Variants in ZNF331 observed in about 807,000 individuals in gnomAD.
ZNF331 encodes the protein C2H2-like zinc finger protein rearranged in thyroid adenomas.
Under a neutral mutation model 7.0 loss-of-function variants are expected in ZNF331, and 2 were observed. That is an observed-to-expected ratio of 0.29 (90% CI 0.12 to 0.90). The LOEUF (loss-of-function observed/expected upper bound fraction) is 0.90. Among genes scored for constraint, ZNF331 ranks in the 40% least tolerant of loss-of-function variants. The probability of loss-of-function intolerance (pLI) is 0.58; values close to 1 mark genes in which losing one functional copy is unlikely to be tolerated. For missense variants in ZNF331, 432 were observed against 587.7 expected (o/e 0.74, Z 2.74); for synonymous variants, 196 against 205.4 (o/e 0.95, Z 0.39).
At position 53,569,286 on chromosome 19, in the gene ZNF331, C is replaced by CT; in HGVS notation, c.-73-11dup. On this transcript the variant is annotated splice_polypyrimidine_tract_variant and intron_variant, in intron 3 of 5. Coordinates refer to ENST00000449416, the MANE Select transcript of ZNF331 (RefSeq NM_001079906.2). Reference sequence around the variant, plus strand: ...CCCCAGATGCACCTCGTTTTAATCTCTTTTTTTCCACCCCTAGCTCTAGCC... The same window carrying CT: ...CCCCAGATGCACCTCGTTTTAATCTCTTTTTTTTCCACCCCTAGCTCTAGCC... The CT allele has an allele frequency of 6.7e-7, 1 of 1,484,604 alleles. No individual in the cohort carries two copies. Among genetic ancestry groups the CT allele is most frequent in the South Asian group, 1.2e-5 (1 of 86,482 alleles). The allele number at this position is 1,484,604 out of a possible 1,614,324, so 92.0% of individuals were successfully genotyped here.
At chr19:53,572,830 G>C (rs2090529732) in intron 5 of ZNF331, among the ~76,000 whole-genome samples, 1 of 152,026 alleles carries the variant, frequency 6.6e-6, no homozygotes, top group African/African-American at 2.4e-5. Context: ...GCAGGAGCTA[G>C]AATCAGATTT....
At chr19:53,561,551 TTAA>T (rs2089889418) in intron 3 of ZNF331, among the ~76,000 whole-genome samples, 1 of 152,176 alleles carries the variant, frequency 6.6e-6, no homozygotes, top group African/African-American at 2.4e-5. Flanking sequence ...CAGAGACTCT[TTAA>T]ATCTAGTTTT....
upstream of ZNF331, among the ~76,000 whole-genome samples, chr19:53,514,650 T>C: frequency 8.5e-6 from 1 of 117,228 alleles, no homozygotes. Flanking sequence ...TGAAGCCTTC[T>C]CCTTTTTTTT....
rs185876951 is a variant in ZNF331 at position 53,559,261 on chromosome 19, C to T, written c.-74+3353C>T. ...TACATACACACACCCCATGTACACA[C>T]ACATATACACAACTACATATATACA... On this transcript the variant is annotated intron_variant, in intron 3 of 5. Transcript: ENST00000449416. 1.6e-3 allele frequency among the ~76,000 whole-genome samples: 246 copies of T among 151,144 alleles called. 1 individual carries two copies. Among genetic ancestry groups the T allele is most frequent in the African/African-American group, 5.7e-3 (235 of 41,152 alleles).
chr19:53,574,548 G>A (rs199679491), intron 5 of ZNF331, among the ~76,000 whole-genome samples: 1 of 10,888 alleles, frequency 9.2e-5, no homozygotes, highest in South Asian at 2.2e-3. Context: ...CTTTAGTAGC[G>A]GGTAGAGGTG....
intron 3 of ZNF331, among the ~76,000 whole-genome samples, chr19:53,564,392 G>A (rs895503685): frequency 6.6e-5 from 10 of 151,910 alleles, no homozygotes; most frequent in Admixed American, 5.3e-4. Context: ...CGATTCTCCC[G>A]CCTCAGCCTC....
At chr19:53,550,235 C>T (rs1461119909) in intron 2 of ZNF331, among the ~76,000 whole-genome samples, 1 of 152,174 alleles carries the variant, frequency 6.6e-6, no homozygotes, top group Non-Finnish European at 1.5e-5. Flanking sequence ...CAGAATACAA[C>T]TGTTAGGTCC....
chr19:53,509,465 G>A, the ZNF331 span, among the ~76,000 whole-genome samples: 2 of 150,398 alleles, frequency 1.3e-5, no homozygotes, highest in African/African-American at 4.9e-5. Flanking sequence ...GTGTAGAGAA[G>A]GTGGTTGGAG....
At position 53,539,717 on chromosome 19, in the gene ZNF331, A is replaced by C. The variant is rs559027936; in HGVS notation, c.-138+435A>C. On this transcript the variant is annotated intron_variant, in intron 2 of 5. Transcript: ENST00000449416. This position sits in a 1 kb window ranked among gnomAD's most constrained non-coding sequence, Gnocchi z 6.1. ...ATCAGTGTTAGTGTATCTGTCCCCC[A>C]CCACCACCACCCTAAGGAGATACTC... Among the ~76,000 whole-genome samples the C allele has an allele frequency of 6.6e-6, 1 of 152,094 alleles. No individual in the cohort carries two copies. Among genetic ancestry groups the C allele is most frequent in the Non-Finnish European group, 1.5e-5 (1 of 68,014 alleles).
chr19:53,540,806 C>T (rs111854740), intron 2 of ZNF331, among the ~76,000 whole-genome samples: 1,829 of 152,144 alleles, frequency 0.012, 40 homozygotes, highest in African/African-American at 0.041. Flanking sequence ...GGTTTGTGAC[C>T]CCTTCTTCCA....
At chr19:53,534,471 G>A (rs2087662858), upstream of ZNF331, among the ~76,000 whole-genome samples, 1 of 151,978 alleles carries the variant, frequency 6.6e-6, no homozygotes, top group Admixed American at 6.6e-5. Context: ...TATTTTTTTA[G>A]TAGATGGGGT....
chr19:53,549,324 C>T (rs889609368), intron 2 of ZNF331, among the ~76,000 whole-genome samples: 3 of 152,024 alleles, frequency 2.0e-5, no homozygotes, highest in East Asian at 1.9e-4. Context: ...GTAATAGGTC[C>T]GTTGCCCCAT....
chr19:53,550,859 CT>C, intron 2 of ZNF331, among the ~76,000 whole-genome samples: 1 of 91,844 alleles, frequency 1.1e-5, no homozygotes, highest in Non-Finnish European at 2.2e-5. Context: ...TTTTTTTTTT[CT>C]TTTTTTTTGA....
chr19:53,569,476 A>T lies in ZNF331; in HGVS notation c.9+91A>T, dbSNP rs988476207. On this transcript the variant is annotated intron_variant, in intron 4 of 5. Coordinates refer to ENST00000449416, the MANE Select transcript of ZNF331 (RefSeq NM_001079906.2). ...TTATCTGAAGCCTTTTATCTAGTCAAGCTCTTTATAATTACCTGTTTCCCA... is the reference window on the plus strand; with the variant it reads ...TTATCTGAAGCCTTTTATCTAGTCATGCTCTTTATAATTACCTGTTTCCCA... 21 of 1,438,514 alleles carry T rather than the reference A, an allele frequency of 1.5e-5. No homozygotes were observed. In the African/African-American group the frequency reaches 2.1e-4, roughly 15 times the overall value. The allele number at this position is 1,438,514 out of a possible 1,614,324, so 89.1% of individuals were successfully genotyped here. A position where few individuals can be genotyped will look rare whatever the true frequency, so the allele number is the denominator to read the frequency against.
exon 1 of ZNF331, chr19:53,521,030 C>A (rs1217067624): frequency 1.3e-5 from 2 of 152,302 alleles, no homozygotes; most frequent in Non-Finnish European, 2.9e-5. Flanking sequence ...CCTTGGGGCA[C>A]AGTCCAATGA....
At position 53,578,103 on chromosome 19, in the gene ZNF331, G is replaced by A. The variant is rs546481224; in HGVS notation, c.*151G>A. On this transcript the variant is annotated 3_prime_UTR_variant, in exon 6 of 6. Transcript: ENST00000449416. ...CAAATGGTGTGCCCTTCTGAGTAGC[G>A]TGATGAAATCTCTCGCTGTCCGGCT... 3.7e-5 allele frequency: 39 copies of A among 1,044,564 alleles called. No individual in the cohort carries two copies. In the South Asian group the frequency reaches 5.9e-4, roughly 16 times the overall value. The allele number at this position is 1,044,564 out of a possible 1,614,324, so 64.7% of individuals were successfully genotyped here.
chr19:53,551,860 G>A (rs2089032511), intron 2 of ZNF331, among the ~76,000 whole-genome samples: 1 of 152,162 alleles, frequency 6.6e-6, no homozygotes, highest in Admixed American at 6.5e-5. Flanking sequence ...TTGTATAAGA[G>A]TCTGAAGCAT....
At chr19:53,506,311 G>C in the ZNF331 span, among the ~76,000 whole-genome samples, 2 of 118,368 alleles carry the variant, frequency 1.7e-5, no homozygotes, top group East Asian at 2.1e-4. Context: ...CTCCAGCCTG[G>C]GCGACAGAGC....
chr19:53,520,367 G>A (rs1397087954), upstream of ZNF331, among the ~76,000 whole-genome samples: 1 of 152,144 alleles, frequency 6.6e-6, no homozygotes, highest in Non-Finnish European at 1.5e-5. Context: ...CTTCCCAGAA[G>A]GACGCGGGGA....
Sources: allele counts gnomAD v4.1 joint callset (sites outside exome capture counted in the v4.1 genomes callset), GRCh38; gene constraint gnomAD v4.1.1; non-coding constraint Gnocchi (gnomAD v3.1); transcripts MANE v1.5; gene names NCBI Gene and HGNC (gene_info 2026-07-23, HGNC 2026-07-21).